The following DNAH12 variants were observed in gnomAD, a reference collection of about 807,000 sequenced individuals.
DNAH12 encodes the protein dynein axonemal heavy chain 12.
In DNAH12, 285 loss-of-function variants were observed where a neutral mutation model predicts 371.5. The ratio of observed to expected loss-of-function variants is 0.77; its 90% CI spans 0.70 to 0.85. The LOEUF (loss-of-function observed/expected upper bound fraction) is 0.85. DNAH12 is among the 40% of genes least tolerant of loss of function. The pLI is 0.00. For synonymous variants in DNAH12, 1,200 were observed against 1,213.0 expected (o/e 0.99, Z 0.22); for missense variants, 3,611 against 3,689.4 (o/e 0.98, Z 0.55).
At chr3:57,500,212 T>C (rs1361007342) in intron 11 of DNAH12, among the ~76,000 whole-genome samples, 1 of 152,100 alleles carries the variant, frequency 6.6e-6, no homozygotes, top group Non-Finnish European at 1.5e-5. Flanking sequence ...GGCTAATTCT[T>C]GTATTTTTAG....
At chr3:57,426,938 T>C (rs1031776262) in intron 34 of DNAH12, among the ~76,000 whole-genome samples, 2 of 152,024 alleles carry the variant, frequency 1.3e-5, no homozygotes, top group African/African-American at 4.8e-5. Flanking sequence ...ATTTATAATA[T>C]ATAGCATTAG....
intron 46 of DNAH12, among the ~76,000 whole-genome samples, chr3:57,386,835 T>A (rs1257966546): frequency 6.6e-6 from 1 of 152,196 alleles, no homozygotes; most frequent in Non-Finnish European, 1.5e-5. Flanking sequence ...TGAGATCCTA[T>A]CTTTTAAAAA....
At chr3:57,371,699 G>A (rs1444989649) in intron 55 of DNAH12, among the ~76,000 whole-genome samples, 40 of 145,768 alleles carry the variant, frequency 2.7e-4, no homozygotes, top group South Asian at 4.3e-4. Context: ...ACAAACACAC[G>A]TGCATACACA....
At chr3:57,472,099 G>C (rs1214984861) in intron 14 of DNAH12, among the ~76,000 whole-genome samples, 2 of 152,040 alleles carry the variant, frequency 1.3e-5, no homozygotes, top group African/African-American at 4.8e-5. Flanking sequence ...AGGTTAAACT[G>C]ATTTACATTA....
chr3:57,327,164 C>T (rs2061969779), intron 62 of DNAH12, among the ~76,000 whole-genome samples: 1 of 152,066 alleles, frequency 6.6e-6, no homozygotes, highest in African/African-American at 2.4e-5. Context: ...GACAGAAAGT[C>T]AACAAGGATA....
intron 4 of DNAH12, among the ~76,000 whole-genome samples, chr3:57,512,883 A>G (rs912782412): frequency 6.6e-6 from 1 of 152,194 alleles, no homozygotes; most frequent in Non-Finnish European, 1.5e-5. Context: ...TCACACCTGT[A>G]ATCCCAACAC....
chr3:57,521,430 A>T (rs1426811679), intron 4 of DNAH12, among the ~76,000 whole-genome samples: 1 of 152,162 alleles, frequency 6.6e-6, no homozygotes, highest in Non-Finnish European at 1.5e-5. Context: ...CAGGAAGCTG[A>T]GGCAGGAGGA....
intron 29 of DNAH12, among the ~76,000 whole-genome samples, chr3:57,437,699 G>C (rs2065172138): frequency 6.6e-6 from 1 of 152,200 alleles, no homozygotes; most frequent in African/African-American, 2.4e-5. Flanking sequence ...AAGCCCAAAT[G>C]CCAAGCTGGT....
chr3:57,534,855 G>A (rs2068975759), intron 2 of DNAH12, among the ~76,000 whole-genome samples: 1 of 152,076 alleles, frequency 6.6e-6, no homozygotes, highest in South Asian at 2.1e-4. Context: ...TGAGCTGTAT[G>A]TTTGTAACTT....
At chr3:57,467,530 G>C (rs1456034778) in intron 17 of DNAH12, among the ~76,000 whole-genome samples, 1 of 152,096 alleles carries the variant, frequency 6.6e-6, no homozygotes, top group African/African-American at 2.4e-5. Flanking sequence ...TATTCATCTA[G>C]AAAAAGTAGT....
At chr3:57,480,438 CA>C (rs567674702) in intron 13 of DNAH12, among the ~76,000 whole-genome samples, 188 of 151,702 alleles carry the variant, frequency 1.2e-3, no homozygotes, top group African/African-American at 4.4e-3. Context: ...AATAGCTTAC[CA>C]ACCAAAAAAA....
intron 13 of DNAH12, among the ~76,000 whole-genome samples, 200 bp from the exon 14 acceptor site, chr3:57,472,871 T>C (rs1223761112): frequency 1.3e-5 from 2 of 152,182 alleles, no homozygotes; most frequent in Non-Finnish European, 2.9e-5. Context: ...TGCCACATAA[T>C]TGTATACTTT....
rs376732577 is a variant in DNAH12, at chr3:57,542,681, T to C, written c.170+20A>G. On this transcript the variant is annotated intron_variant, in intron 2 of 73. Transcript: ENST00000495027. ...TTACTTGAATTCCAAGCAAGAATTA[T>C]CTACTAATATGCTACTTACACTAAC... is the stretch of plus-strand genomic sequence containing the variant. 5.4e-5 allele frequency: 83 copies of C among 1,538,042 alleles called. No homozygotes were observed. The African/African-American group carries it at 1.1e-3, about 20-fold the overall frequency.
intron 60 of DNAH12, among the ~76,000 whole-genome samples, chr3:57,347,449 C>A (rs2062568377): frequency 6.6e-6 from 1 of 152,140 alleles, no homozygotes; most frequent in African/African-American, 2.4e-5. Flanking sequence ...GGCACAGGAG[C>A]TCACACCTGC....
At position 57,478,741 on chromosome 3, in the gene DNAH12, T is replaced by C. The variant is rs865928876; in HGVS notation, c.1650+4635A>G. On this transcript the variant is annotated intron_variant, in intron 13 of 73. Coordinates refer to ENST00000495027, the MANE Select transcript of DNAH12 (RefSeq NM_001366028.2). ...AGCTGAGCTCTTGGCAGAAACTCTA[T>C]AAGCCAGAAGAGAGTGGGGGCCAAT... Among the ~76,000 whole-genome samples, 5 of 152,164 alleles carry C rather than the reference T, an allele frequency of 3.3e-5. No individual in the cohort carries two copies. The South Asian group carries it at 6.2e-4, about 19-fold the overall frequency.
At position 57,409,272 on chromosome 3, in the gene DNAH12, A is replaced by G. The variant is rs117105212; in HGVS notation, c.6021-737T>C. On this transcript the variant is annotated intron_variant, in intron 39 of 73. Coordinates refer to ENST00000495027, the MANE Select transcript of DNAH12 (RefSeq NM_001366028.2). ...TTACTGCACACACAGACATATACATACAGAGGCTGGGGTAGGAGTCTATCT... is the reference window on the plus strand; with the variant it reads ...TTACTGCACACACAGACATATACATGCAGAGGCTGGGGTAGGAGTCTATCT... Among the ~76,000 whole-genome samples the G allele has an allele frequency of 1.1e-3, 162 of 152,280 alleles. 2 individuals carry two copies. In the East Asian group the frequency reaches 0.024, roughly 22 times the overall value.
chr3:57,495,546 C>T (rs553418521), intron 11 of DNAH12, among the ~76,000 whole-genome samples: 2 of 148,948 alleles, frequency 1.3e-5, no homozygotes, highest in Non-Finnish European at 1.5e-5. Context: ...AAGTATTAAC[C>T]TCACTCTAGC....
chr3:57,342,674 GAAAGA>G (rs371340337), intron 60 of DNAH12, among the ~76,000 whole-genome samples: 4 of 116,166 alleles, frequency 3.4e-5, no homozygotes, highest in African/African-American at 1.3e-4. Context: ...AAAAAAAAAG[GAAAGA>G]AAAGAAAATA....
chr3:57,537,512 C>A (rs985465490), intron 2 of DNAH12, among the ~76,000 whole-genome samples: 2 of 152,076 alleles, frequency 1.3e-5, no homozygotes, highest in African/African-American at 4.8e-5. Context: ...TCCCTCTATC[C>A]ACAGACTTCA....
Sources: gnomAD v4.1 joint callset for allele counts (sites outside exome capture counted in the v4.1 genomes callset) on GRCh38, gnomAD v4.1.1 for gene constraint, MANE v1.5 for transcripts, NCBI Gene and HGNC (gene_info 2026-07-23, HGNC 2026-07-21) for gene names.